The following LRRC7 variants were observed in gnomAD, a reference collection of about 807,000 sequenced individuals.
LRRC7 encodes leucine-rich repeat-containing protein 7.
A neutral mutation model predicts 175.7 loss-of-function variants in LRRC7; 23 were observed. That is an observed-to-expected ratio of 0.13 (90% CI 0.09 to 0.19). LRRC7 has a LOEUF of 0.19. Among genes scored for constraint, LRRC7 ranks in the 10% least tolerant of loss-of-function variants. LRRC7 has a pLI of 1.00. For synonymous variants in LRRC7, 685 were observed against 680.9 expected (o/e 1.01, Z -0.09); for missense variants, 1,354 against 1,904.7 (o/e 0.71, Z 5.38).
intron 1 of LRRC7, among the ~76,000 whole-genome samples, chr1:69,675,154 A>T (rs1005487713): frequency 2.6e-5 from 4 of 152,302 alleles, no homozygotes; most frequent in African/African-American, 9.6e-5. Context: ...GCCATGCTAC[A>T]TTGCCAGCAT....
intron 1 of LRRC7, among the ~76,000 whole-genome samples, chr1:69,660,611 A>G (rs542921961): frequency 1.3e-5 from 2 of 152,252 alleles, no homozygotes; most frequent in African/African-American, 4.8e-5. Flanking sequence ...CTGAAAAAGT[A>G]ACATTTGAAT....
chr1:69,582,655 C>G (rs1433375601), intron 1 of LRRC7, among the ~76,000 whole-genome samples: 4 of 152,154 alleles, frequency 2.6e-5, no homozygotes, highest in Non-Finnish European at 5.9e-5. Flanking sequence ...CATTCCAAAT[C>G]TTTATCTATT....
At chr1:70,025,528 G>C (rs1307504683) in intron 17 of LRRC7, among the ~76,000 whole-genome samples, 1 of 151,958 alleles carries the variant, frequency 6.6e-6, no homozygotes, top group Non-Finnish European at 1.5e-5. Context: ...GACATTAGAA[G>C]TAGTATCTCA....
chr1:69,862,963 A>G lies in LRRC7; in HGVS notation c.647+24680A>G, dbSNP rs911386190. ...GGTGAGTTATCATCCATGTATTTCAATGCATCACAGGTGCCTTAAAGTCAA... is the reference window on the plus strand; with the variant it reads ...GGTGAGTTATCATCCATGTATTTCAGTGCATCACAGGTGCCTTAAAGTCAA... On this transcript the variant is annotated intron_variant, in intron 7 of 26. Coordinates refer to ENST00000651989, the MANE Select transcript of LRRC7 (RefSeq NM_001370785.2). 3.3e-5 allele frequency among the ~76,000 whole-genome samples: 5 copies of G among 152,274 alleles called. No individual in the cohort carries two copies. In the South Asian group the frequency reaches 6.2e-4, roughly 19 times the overall value.
intron 1 of LRRC7, among the ~76,000 whole-genome samples, chr1:69,597,820 A>G (rs1646902287): frequency 6.6e-6 from 1 of 152,224 alleles, no homozygotes; most frequent in Non-Finnish European, 1.5e-5. Flanking sequence ...ATTAATTCAA[A>G]GAATTAGCAT....
At position 70,127,649 on chromosome 1, in the gene LRRC7, G is replaced by A. The variant is rs1056967332; in HGVS notation, c.*5762G>A. ...TGAGCACTAAGCAATGTAAGAAATG[G>A]GCCTGGATTAAGGCATGCAGAAATG... is the stretch of plus-strand genomic sequence containing the variant. On this transcript the variant is annotated 3_prime_UTR_variant, in exon 27 of 27. Coordinates refer to ENST00000651989, the MANE Select transcript of LRRC7 (RefSeq NM_001370785.2). 2.6e-5 allele frequency among the ~76,000 whole-genome samples: 4 copies of A among 152,216 alleles called. No individual in the cohort carries two copies. Among genetic ancestry groups the A allele is most frequent in the African/African-American group, 9.6e-5 (4 of 41,528 alleles).
At chr1:69,622,876 G>T (rs1385539863) in intron 1 of LRRC7, among the ~76,000 whole-genome samples, 8 of 152,132 alleles carry the variant, frequency 5.3e-5, no homozygotes, top group African/African-American at 1.9e-4. Context: ...TATAGGCCAG[G>T]ATAAGAAGCT....
In LRRC7 at chr1:69,937,439, CTGTTAATACA is replaced by C. The variant is rs151082895; in HGVS notation, c.711+5870_711+5879del. On this transcript the variant is annotated intron_variant, in intron 8 of 26. Coordinates refer to ENST00000651989, the MANE Select transcript of LRRC7 (RefSeq NM_001370785.2). ...GATATTCCATTTTTTCTCTTTTATT[CTGTTAATACA>C]AAATTTCTAATGTAAAACCACTTTT... Among the ~76,000 whole-genome samples the C allele has an allele frequency of 5.5e-3, 836 of 151,996 alleles. 6 individuals carry two copies. The highest frequency in any genetic ancestry group is 0.019 in the African/African-American group (794 of 41,502).
Position 70,135,566 on chromosome 1 carries a change from C to A in LRRC7, c.*13679C>A, listed in dbSNP as rs1459121463. Among the ~76,000 whole-genome samples the A allele has an allele frequency of 1.3e-5, 2 of 152,152 alleles. No individual in the cohort carries two copies. Among genetic ancestry groups the A allele is most frequent in the Admixed American group, 6.5e-5 (1 of 15,268 alleles). ...ACATCTCACGCACTCCTCCCCAACCCCGACTCCAAGGGTGCTGCTTGTCCA... is the reference window on the plus strand; with the variant it reads ...ACATCTCACGCACTCCTCCCCAACCACGACTCCAAGGGTGCTGCTTGTCCA... On this transcript the variant is annotated 3_prime_UTR_variant, in exon 27 of 27. Transcript: ENST00000651989.
At chr1:69,911,220 G>A (rs1646519214) in intron 7 of LRRC7, among the ~76,000 whole-genome samples, 2 of 152,182 alleles carry the variant, frequency 1.3e-5, no homozygotes, top group Non-Finnish European at 2.9e-5. Flanking sequence ...TGTGCCCACT[G>A]TCTGGCACTC....
At chr1:69,893,412 C>G (rs1201751614) in intron 7 of LRRC7, among the ~76,000 whole-genome samples, 1 of 152,130 alleles carries the variant, frequency 6.6e-6, no homozygotes, top group Non-Finnish European at 1.5e-5. Context: ...GTAAGAGGAG[C>G]ATAAAAATAT....
intron 1 of LRRC7, among the ~76,000 whole-genome samples, chr1:69,623,056 A>ACCACTTG (rs1570001376): frequency 6.6e-6 from 1 of 152,112 alleles, no homozygotes; most frequent in East Asian, 1.9e-4. Context: ...CAGGTTTTCT[A>ACCACTTG]CCACTTGGAT....
chr1:69,874,837 A>T (rs1685896877), intron 7 of LRRC7: 1 of 152,052 alleles, frequency 6.6e-6, no homozygotes, highest in South Asian at 2.1e-4. Context: ...ACTTATGAAG[A>T]TCTATATGTA....
At chr1:69,612,906 G>A (rs1649007423) in intron 1 of LRRC7, among the ~76,000 whole-genome samples, 1 of 152,028 alleles carries the variant, frequency 6.6e-6, no homozygotes, top group East Asian at 1.9e-4. Flanking sequence ...TAGTGCTAAA[G>A]CCAAGGCTCA....
chr1:69,889,034 A>C (rs1169214210), intron 7 of LRRC7, among the ~76,000 whole-genome samples: 1 of 152,220 alleles, frequency 6.6e-6, no homozygotes, highest in Admixed American at 6.5e-5. Context: ...TAGTCTATTA[A>C]GTGTACAATA....
chr1:69,943,226 G>A (rs1276130199), intron 8 of LRRC7, among the ~76,000 whole-genome samples: 2 of 152,050 alleles, frequency 1.3e-5, no homozygotes. Flanking sequence ...TTGAATGGAT[G>A]TGCATGATGT....
intron 18 of LRRC7, among the ~76,000 whole-genome samples, chr1:70,032,107 A>T (rs1185041973): frequency 1.3e-5 from 2 of 152,154 alleles, no homozygotes; most frequent in Non-Finnish European, 2.9e-5. Flanking sequence ...AAGGATTTTC[A>T]TCAAAAAGAA....
chr1:69,951,810 G>C (rs560833755), intron 8 of LRRC7, among the ~76,000 whole-genome samples: 1 of 152,012 alleles, frequency 6.6e-6, no homozygotes, highest in Non-Finnish European at 1.5e-5. Flanking sequence ...TGGGAGAAGG[G>C]AGAACAGAAA....
intron 8 of LRRC7, among the ~76,000 whole-genome samples, chr1:69,972,506 A>G (rs746904544): frequency 2.0e-5 from 3 of 152,244 alleles, no homozygotes; most frequent in Non-Finnish European, 4.4e-5. Context: ...GCAAACAAAC[A>G]TATGAAAGAA....
Sources: allele counts gnomAD v4.1 joint callset (sites outside exome capture counted in the v4.1 genomes callset), GRCh38; gene constraint gnomAD v4.1.1; transcripts MANE v1.5; gene names NCBI Gene and HGNC (gene_info 2026-07-23, HGNC 2026-07-21).